ABCC9: variants seen among roughly 807,000 people sequenced by gnomAD.
ABCC9 encodes the protein ATP-binding cassette sub-family C member 9.
A neutral mutation model predicts 188.3 loss-of-function variants in ABCC9; 95 were observed. That is an observed-to-expected ratio of 0.50 (90% CI 0.43 to 0.60). ABCC9 has a LOEUF of 0.60. Among genes scored for constraint, ABCC9 ranks in the 20% least tolerant of loss-of-function variants. The probability of loss-of-function intolerance (pLI) is 0.00; values close to 1 mark genes in which losing one functional copy is unlikely to be tolerated. For missense variants in ABCC9, 1,102 were observed against 1,876.3 expected (o/e 0.59, Z 7.62); for synonymous variants, 659 against 652.7 (o/e 1.01, Z -0.15).
Position 21,815,781 on chromosome 12 carries a change from G to A in ABCC9, c.4005C>T (p.Tyr1335=), listed in dbSNP as rs1942575107. 1.9e-6 allele frequency: 3 copies of A among 1,613,044 alleles called. No homozygotes were observed. The highest frequency in any genetic ancestry group is 2.7e-5 in the African/African-American group (2 of 74,972). ...LKPVLKHVKA[Y]IKPGQKVGIC... ...TTCATACCTTTTGTCCAGGTTTGAT[G>A]TAAGCCTTGACGTGCTTAAGAACAG... The change falls in exon 34 of 40, where the codon TAC becomes TAT. Residue 1335 remains tyrosine, a synonymous_variant. Coordinates refer to ENST00000261200, the MANE Select transcript of ABCC9 (RefSeq NM_020297.4).
At chr12:21,864,837 AG>A in intron 18 of ABCC9, among the ~76,000 whole-genome samples, 1 of 152,268 alleles carries the variant, frequency 6.6e-6, no homozygotes, top group South Asian at 2.1e-4. Flanking sequence ...TGTATTTCCA[AG>A]GCCTTCCAAC....
chr12:21,906,064 T>G (rs1948028671), intron 12 of ABCC9, 62 bp downstream of exon 12: 1 of 1,525,946 alleles, frequency 6.6e-7, no homozygotes, highest in African/African-American at 1.4e-5. Context: ...CTAAACTGAA[T>G]AGACTGTTGG....
intron 10 of ABCC9, 49 bp from the exon 11 acceptor site, chr12:21,908,260 C>A (rs745880007): frequency 1.2e-6 from 2 of 1,600,260 alleles, no homozygotes; most frequent in East Asian, 2.2e-5. Flanking sequence ...GTTGTGGGAG[C>A]CATTGCATGA....
intron 4 of ABCC9, among the ~76,000 whole-genome samples, chr12:21,930,552 A>G (rs1949242142): frequency 6.6e-6 from 1 of 152,212 alleles, no homozygotes; most frequent in Non-Finnish European, 1.5e-5. Context: ...CTCAGCGTAG[A>G]TAATGTCACA....
intron 22 of ABCC9, among the ~76,000 whole-genome samples, chr12:21,857,657 G>A (rs1945293883): frequency 1.3e-5 from 2 of 152,114 alleles, no homozygotes; most frequent in Non-Finnish European, 2.9e-5. Context: ...AACTTTCCCG[G>A]CTGTGAAGAG....
chr12:21,838,241 A>G lies in ABCC9; in HGVS notation c.3474-71T>C, dbSNP rs572135385. ...CAAAGACTACCATGTTTATTCTTTA[A>G]GAGAAAGTTATTTTGTCACTGTATT... On this transcript the variant is annotated intron_variant, in intron 29 of 39. Coordinates refer to ENST00000261200, the MANE Select transcript of ABCC9 (RefSeq NM_020297.4). 4.4e-6 allele frequency: 5 copies of G among 1,148,224 alleles called. No homozygotes were observed. In the African/African-American group the frequency reaches 4.6e-5, roughly 10 times the overall value. The allele number at this position is 1,148,224 out of a possible 1,614,324, so 71.1% of individuals were successfully genotyped here.
chr12:21,858,835 T>C (rs562402878), intron 22 of ABCC9, among the ~76,000 whole-genome samples: 211 of 152,268 alleles, frequency 1.4e-3, no homozygotes, highest in Non-Finnish European at 2.7e-3. Flanking sequence ...GGAACCAGAT[T>C]GATAAGTGGT....
Position 21,912,651 on chromosome 12 carries a change from C to T in ABCC9, c.1011+221G>A, listed in dbSNP as rs542062848. 3.9e-5 allele frequency among the ~76,000 whole-genome samples: 6 copies of T among 152,092 alleles called. No individual in the cohort carries two copies. The South Asian group carries it at 1.2e-3, about 32-fold the overall frequency. ...TGTTAAATGTTTATAGGCTCTGAAT[C>T]TGAGAAATAATTTTGGTGGCCAGAT... On this transcript the variant is annotated intron_variant, in intron 8 of 39. Coordinates refer to ENST00000261200, the MANE Select transcript of ABCC9 (RefSeq NM_020297.4).
At chr12:21,839,186 G>A (rs1944252668) in intron 29 of ABCC9, among the ~76,000 whole-genome samples, 2 of 152,204 alleles carry the variant, frequency 1.3e-5, no homozygotes, top group Admixed American at 1.3e-4. Flanking sequence ...GAATTAATGT[G>A]ATGCTGGTCA....
At chr12:21,859,753 T>G in intron 21 of ABCC9, 87 bp from the exon 22 acceptor site, 4 of 1,115,268 alleles carry the variant, frequency 3.6e-6, no homozygotes, top group Non-Finnish European at 5.5e-6. Context: ...AAACGTCTTT[T>G]TAAAAATCTT....
chr12:21,811,475 C>T (rs1396183965), intron 36 of ABCC9, among the ~76,000 whole-genome samples: 1 of 152,078 alleles, frequency 6.6e-6, no homozygotes, highest in African/African-American at 2.4e-5. Flanking sequence ...GTTTCAAAAC[C>T]CTCATCTATA....
chr12:21,925,404 G>A, intron 5 of ABCC9: 1 of 618,132 alleles, frequency 1.6e-6, no homozygotes, highest in South Asian at 1.9e-5. Context: ...TGTAATGGCA[G>A]CTGCTCCTCA....
At chr12:21,876,288 C>A (rs1386167976) in intron 16 of ABCC9, among the ~76,000 whole-genome samples, 1 of 152,162 alleles carries the variant, frequency 6.6e-6, no homozygotes, top group African/African-American at 2.4e-5. Context: ...TCTTAAAAGA[C>A]AATTATCCCA....
intron 26 of ABCC9, among the ~76,000 whole-genome samples, chr12:21,845,227 A>G (rs943808143): frequency 1.3e-5 from 2 of 152,098 alleles, no homozygotes; most frequent in Non-Finnish European, 2.9e-5. Flanking sequence ...TCTCATTCCT[A>G]GTCTCAAAAT....
chr12:21,929,983 C>T (rs561836547), intron 4 of ABCC9, among the ~76,000 whole-genome samples: 2 of 125,924 alleles, frequency 1.6e-5, no homozygotes, highest in Admixed American at 8.7e-5. Flanking sequence ...TCCCTCCCCC[C>T]TCCCCCTACC....
At position 21,820,914 on chromosome 12, in the gene ABCC9, G is replaced by A. The variant is rs79571426; in HGVS notation, c.3670-2663C>T. ...TTGCTTATTTGTTTACATGGTTATT[G>A]TCTATCTACTCTCATTAGAATCTAC... On this transcript the variant is annotated intron_variant, in intron 31 of 39. Transcript: ENST00000261200. Among the ~76,000 whole-genome samples, 1,383 of 152,222 alleles carry A rather than the reference G, an allele frequency of 9.1e-3. 21 individuals carry two copies. Among genetic ancestry groups the A allele is most frequent in the African/African-American group, 0.032 (1,332 of 41,524 alleles).
At chr12:21,823,045 C>A (rs913964929) in intron 31 of ABCC9, among the ~76,000 whole-genome samples, 1 of 152,182 alleles carries the variant, frequency 6.6e-6, no homozygotes, top group Non-Finnish European at 1.5e-5. Context: ...TAGCCTTACA[C>A]ATCCTAAGCA....
chr12:21,897,719 T>C (rs1294194514), intron 12 of ABCC9, among the ~76,000 whole-genome samples: 2 of 152,196 alleles, frequency 1.3e-5, no homozygotes, highest in African/African-American at 2.4e-5. Flanking sequence ...AAACTTGAAG[T>C]GGTCAAACTG....
Position 21,817,192 on chromosome 12 carries a change from G to A in ABCC9, c.3887C>T (p.Thr1296Ile), listed in dbSNP as rs763230369. The A allele has an allele frequency of 1.2e-6, 2 of 1,613,410 alleles. No individual in the cohort carries two copies. Among genetic ancestry groups the A allele is most frequent in the Non-Finnish European group, 1.7e-6 (2 of 1,179,584 alleles). Reference protein sequence around the residue: ...LTMESENYEGTMDPSQVPEHW... With the variant: ...LTMESENYEGIMDPSQVPEHW... ...AACAATATTTAGAGCAATACCCATT[G>A]TGCCTTCATAGTTCTCTGACTCCAT... The change falls in exon 33 of 40, where the codon ACA (threonine) becomes ATA (isoleucine). Residue 1296 changes from threonine (T) to isoleucine (I), a missense_variant. By Grantham distance (89) the Thr-to-Ile change is moderately conservative (BLOSUM62 -1). This residue lies in a region of ABCC9 where 143 missense variants were observed against 225.6 expected (regional missense o/e 0.63). Transcript: ENST00000261200.
Sources: gnomAD v4.1 joint callset for allele counts (sites outside exome capture counted in the v4.1 genomes callset) on GRCh38, gnomAD v4.1.1 for gene constraint, gnomAD v4.1.1 regional missense constraint, MANE v1.5 for transcripts, NCBI Gene and HGNC (gene_info 2026-07-23, HGNC 2026-07-21) for gene names.